Variants in SYNE1 observed in about 807,000 individuals in gnomAD.
The protein encoded by SYNE1 is spectrin repeat containing nuclear envelope protein 1, also known as nesprin-1.
A neutral mutation model predicts 1,111.0 loss-of-function variants in SYNE1; 616 were observed. The ratio of observed to expected loss-of-function variants is 0.55; its 90% CI spans 0.52 to 0.59. SYNE1 has a LOEUF of 0.59. Ranked by LOEUF, SYNE1 falls within the 20% of genes least tolerant of loss-of-function variation. The probability of loss-of-function intolerance (pLI) is 0.00; values close to 1 mark genes in which losing one functional copy is unlikely to be tolerated. For synonymous variants in SYNE1, 3,855 were observed against 3,825.8 expected (o/e 1.01, Z -0.28); for missense variants, 10,006 against 10,417.0 (o/e 0.96, Z 1.72).
intron 101 of SYNE1, among the ~76,000 whole-genome samples, chr6:152,261,497 G>C (rs1317474039): frequency 2.0e-5 from 3 of 152,150 alleles, no homozygotes; most frequent in Non-Finnish European, 2.9e-5. Flanking sequence ...TCCCTCCCAG[G>C]AACCAGCCTT....
intron 3 of SYNE1, among the ~76,000 whole-genome samples, chr6:152,600,274 G>C (rs1238958055): frequency 6.6e-6 from 1 of 152,178 alleles, no homozygotes; most frequent in Non-Finnish European, 1.5e-5. Flanking sequence ...AAGGAACTGA[G>C]AGTCCAAACA....
chr6:152,403,946 C>G (rs1177247445), intron 46 of SYNE1, among the ~76,000 whole-genome samples: 3 of 151,728 alleles, frequency 2.0e-5, no homozygotes, highest in South Asian at 4.2e-4. Flanking sequence ...ATGTCTGATA[C>G]AATCCACATG....
chr6:152,461,606 C>A lies in SYNE1; in HGVS notation c.2385G>T (p.Gln795His), dbSNP rs1469706814. 1 of 1,613,966 alleles carries A rather than the reference C, an allele frequency of 6.2e-7. No homozygotes were observed. Among genetic ancestry groups the A allele is most frequent in the South Asian group, 1.1e-5 (1 of 91,076 alleles). Residue 795 changes from glutamine to histidine, a missense_variant, in exon 21 of 146, where the codon CAG becomes CAT. By Grantham distance (24) the Gln-to-His change is conservative. Transcript: ENST00000367255. Reference protein sequence around the residue: ...MFATMSKLKEQLTKVKECYSP... With the variant: ...MFATMSKLKEHLTKVKECYSP... ...TAAATTATTTTCGCACCTTGGTTAG[C>A]TGCTCTTTGAGCTTTGACATGGTCG...
At chr6:152,317,216 C>A (rs2095749089) in intron 86 of SYNE1, among the ~76,000 whole-genome samples, 1 of 149,444 alleles carries the variant, frequency 6.7e-6, no homozygotes, top group Non-Finnish European at 1.5e-5. Flanking sequence ...TCCTCTTTTT[C>A]TTTCTTTTTT....
At chr6:152,597,447 A>AT (rs1218394702) in intron 3 of SYNE1, among the ~76,000 whole-genome samples, 1 of 152,012 alleles carries the variant, frequency 6.6e-6, no homozygotes, top group Non-Finnish European at 1.5e-5. Context: ...TGTCTGATTA[A>AT]TTTTTTTATT....
chr6:152,134,891 T>C, intron 142 of SYNE1: 2 of 572,634 alleles, frequency 3.5e-6, no homozygotes, highest in East Asian at 3.2e-5. Context: ...AACTTTAGAA[T>C]CAGATTCTAA....
Position 152,132,157 on chromosome 6 carries a change from T to C in SYNE1, c.26059A>G (p.Thr8687Ala). 1 of 1,614,172 alleles carries C rather than the reference T, an allele frequency of 6.2e-7. No homozygotes were observed. The highest frequency in any genetic ancestry group is 8.5e-7 in the Non-Finnish European group (1 of 1,180,006). ...ELDTSGSVSP[T>A]SGRSTPNRQK... is the part of the protein sequence containing the mutation. ...CTGTTTGGGGTGCTCCTTCCTGATGTGGGACTCACAGACCCTGAGGTGTCC... is the reference window on the plus strand; with the variant it reads ...CTGTTTGGGGTGCTCCTTCCTGATGCGGGACTCACAGACCCTGAGGTGTCC... Residue 8687 changes from threonine to alanine, a missense_variant, in exon 144 of 146, where the codon ACA (threonine) becomes GCA (alanine). By Grantham distance (58) the Thr-to-Ala change is moderately conservative. This residue lies in a region of SYNE1 where 761 missense variants were observed against 795.5 expected (regional missense o/e 0.96). Transcript: ENST00000367255.
chr6:152,453,319 G>A (rs2098666616), intron 25 of SYNE1: 2 of 598,710 alleles, frequency 3.3e-6, no homozygotes, highest in Non-Finnish European at 2.9e-6. Flanking sequence ...AAATGTTCTT[G>A]CACCCTGGAT....
chr6:152,253,817 G>GTTTTT (rs1491115589), intron 104 of SYNE1, among the ~76,000 whole-genome samples: 2,841 of 59,144 alleles, frequency 0.048, 1,219 homozygotes, highest in Middle Eastern at 0.061. Context: ...GTAGTGGTTT[G>GTTTTT]GTTTTTTTTT....
At chr6:152,188,736 A>G (rs1211409205) in intron 128 of SYNE1, among the ~76,000 whole-genome samples, 1 of 151,602 alleles carries the variant, frequency 6.6e-6, no homozygotes, top group Non-Finnish European at 1.5e-5. Context: ...AGGCGGACAA[A>G]TCACAAGGTC....
At chr6:152,447,659 A>G (rs1488533699) in intron 28 of SYNE1, 37 bp from the exon 29 acceptor site, 2 of 1,613,466 alleles carry the variant, frequency 1.2e-6, no homozygotes, top group East Asian at 2.2e-5. Context: ...ACACAGTGCA[A>G]TTGTGAAATC....
At chr6:152,214,517 G>T (rs1284130639) in intron 122 of SYNE1, among the ~76,000 whole-genome samples, 3 of 152,316 alleles carry the variant, frequency 2.0e-5, no homozygotes, top group Admixed American at 2.0e-4. Context: ...AAACTTCGTG[G>T]TGAATGTTGG....
rs183917948 is a variant in SYNE1 at position 152,603,115 on chromosome 6, G to A, written c.67+25150C>T. ...GTGAAATAATCATTGCCAGGAACATGAGACAGGACTTTAGCTTCTTGGGGC... is the reference window on the plus strand; with the variant it reads ...GTGAAATAATCATTGCCAGGAACATAAGACAGGACTTTAGCTTCTTGGGGC... On this transcript the variant is annotated intron_variant, in intron 3 of 145. Coordinates refer to ENST00000367255, the MANE Select transcript of SYNE1 (RefSeq NM_182961.4). Among the ~76,000 whole-genome samples the A allele has an allele frequency of 8.5e-5, 13 of 152,282 alleles. No homozygotes were observed. In the East Asian group the frequency reaches 2.5e-3, roughly 29 times the overall value.
chr6:152,178,023 G>A (rs2066916835), intron 129 of SYNE1, among the ~76,000 whole-genome samples: 1 of 151,444 alleles, frequency 6.6e-6, no homozygotes, highest in African/African-American at 2.4e-5. Context: ...GCCACAAAGA[G>A]GAAAACTCAA....
rs1554415882 is a variant in SYNE1 at position 152,146,024 on chromosome 6, C to CAGA, written c.24976+2020_24976+2021insTCT. ...TGGGCAACAGAACTAGACTTCGTCT[C>CAGA]AAAAAAAAAAAAAAAAAAAAAAAAA... On this transcript the variant is annotated intron_variant, in intron 137 of 145. Transcript: ENST00000367255. 6.0e-5 allele frequency: 3 copies of CAGA among 49,664 alleles called. No individual in the cohort carries two copies. The East Asian group carries it at 1.8e-3, about 29-fold the overall frequency. 3.1% of individuals were successfully genotyped at this position (49,664 alleles called of 1,614,324 possible).
intron 133 of SYNE1, among the ~76,000 whole-genome samples, chr6:152,153,010 AT>A (rs2060724011): frequency 1.3e-5 from 2 of 152,230 alleles, no homozygotes; most frequent in African/African-American, 4.8e-5. Flanking sequence ...AATCATTTGT[AT>A]GATTTATGAC....
chr6:152,637,362 TG>T (rs2099707310), upstream of SYNE1: 1 of 152,310 alleles, frequency 6.6e-6, no homozygotes, highest in Non-Finnish European at 1.5e-5. Context: ...TGCGCTGTCC[TG>T]CCAGCTAACT....
At chr6:152,122,758 A>G (rs1280559848) in intron 145 of SYNE1, 82 bp from the exon 146 acceptor site, 1 of 1,600,022 alleles carries the variant, frequency 6.2e-7, no homozygotes, top group East Asian at 2.2e-5. Context: ...CCTTCCTGGA[A>G]GCTAAAGGGC....
chr6:152,189,402 T>C lies in SYNE1; in HGVS notation c.23151A>G (p.Leu7717=). 6.2e-7 allele frequency: 1 copy of C among 1,614,090 alleles called. No individual in the cohort carries two copies. The highest frequency in any genetic ancestry group is 8.5e-7 in the Non-Finnish European group (1 of 1,179,984). ...LHAEQMRCKE[L]ENAVGSWTDD... is the part of the protein sequence containing the mutation. ...CTGTCCAGCTCCCAACTGCATTTTC[T>C]AATTCCTAAATAAAAAAACAAACTT... is the stretch of plus-strand genomic sequence containing the variant. The change falls in exon 128 of 146, where the codon TTA becomes TTG. Residue 7717 remains leucine, a synonymous_variant. Coordinates refer to ENST00000367255, the MANE Select transcript of SYNE1 (RefSeq NM_182961.4).
Sources: allele counts gnomAD v4.1 joint callset (sites outside exome capture counted in the v4.1 genomes callset), GRCh38; gene constraint gnomAD v4.1.1; regional missense constraint gnomAD v4.1.1; transcripts MANE v1.5; gene names NCBI Gene and HGNC (gene_info 2026-07-23, HGNC 2026-07-21).